The following WWOX variants were observed in gnomAD, a reference collection of about 807,000 sequenced individuals.
The protein encoded by WWOX is WW domain-containing oxidoreductase.
In WWOX, 69 loss-of-function variants were observed where a neutral mutation model predicts 46.2. That is an observed-to-expected ratio of 1.49 (90% CI 1.23 to 1.82). The LOEUF (loss-of-function observed/expected upper bound fraction) is 1.82. Among genes scored for constraint, WWOX ranks in the 40% most tolerant of loss-of-function variants. The pLI, the probability that WWOX is intolerant of heterozygous loss-of-function variation, is 0.00. For missense variants in WWOX, 919 were observed against 542.6 expected (o/e 1.69, Z -6.89); for synonymous variants, 359 against 202.6 (o/e 1.77, Z -6.56).
rs12828 is a variant in WWOX, at chr16:79,212,426, G to A, written c.*630G>A. On this transcript the variant is annotated 3_prime_UTR_variant, in exon 9 of 9. Transcript: ENST00000566780. ...TCATAGACTCCTTTGCTAATGCTAT[G>A]CAAAAAATTCTTTAGAGATTATAAC... The A allele has an allele frequency of 0.52, 165,280 of 314,970 alleles. 46,273 individuals are homozygous for A. The highest frequency in any genetic ancestry group is 0.61 in the Non-Finnish European group (104,231 of 170,716). The allele number at this position is 314,970 out of a possible 1,614,324, so 19.5% of individuals were successfully genotyped here.
intron 8 of WWOX, among the ~76,000 whole-genome samples, chr16:78,447,794 CTAT>C (rs1330826799): frequency 6.6e-6 from 1 of 152,166 alleles, no homozygotes; most frequent in African/African-American, 2.4e-5. Flanking sequence ...GCAGAAGAAA[CTAT>C]TATTATTATT....
At position 79,121,948 on chromosome 16, in the gene WWOX, A is replaced by T. The variant is rs149680883; in HGVS notation, c.1057-89660A>T. 3.3e-3 allele frequency among the ~76,000 whole-genome samples: 506 copies of T among 152,068 alleles called. 2 individuals are homozygous for T. Among genetic ancestry groups the T allele is most frequent in the Non-Finnish European group, 5.6e-3 (382 of 67,976 alleles). ...CCCAGTAACCCTAAGATTGAACAAAACCCTACTTACGTGCTACGGATTTAA... is the reference window on the plus strand; with the variant it reads ...CCCAGTAACCCTAAGATTGAACAAATCCCTACTTACGTGCTACGGATTTAA... On this transcript the variant is annotated intron_variant, in intron 8 of 8. Coordinates refer to ENST00000566780, the MANE Select transcript of WWOX (RefSeq NM_016373.4).
chr16:78,501,193 C>CTCTTTTTTTTTTTT (rs1567609023), intron 8 of WWOX, among the ~76,000 whole-genome samples: 82 of 90,904 alleles, frequency 9.0e-4, no homozygotes, highest in Admixed American at 1.5e-3. Flanking sequence ...CTTTCTTTCT[C>CTCTTTTTTTTTTTT]TTTTTTTTTT....
At chr16:78,924,554 A>G (rs2045455031) in intron 8 of WWOX, among the ~76,000 whole-genome samples, 1 of 152,150 alleles carries the variant, frequency 6.6e-6, no homozygotes, top group Non-Finnish European at 1.5e-5. Context: ...TATCTGTAAA[A>G]TCCTTCCACT....
chr16:78,249,682 G>A (rs1037516280), intron 5 of WWOX, among the ~76,000 whole-genome samples: 1 of 152,164 alleles, frequency 6.6e-6, no homozygotes, highest in Non-Finnish European at 1.5e-5. Context: ...TATAAACTTA[G>A]GTGGACCAAA....
At chr16:78,818,054 T>A (rs2051388263) in intron 8 of WWOX, among the ~76,000 whole-genome samples, 1 of 152,102 alleles carries the variant, frequency 6.6e-6, no homozygotes, top group African/African-American at 2.4e-5. Flanking sequence ...CAGTCAACCT[T>A]ATGAAGCTAA....
intron 8 of WWOX, among the ~76,000 whole-genome samples, chr16:78,531,605 G>A (rs2043623358): frequency 6.6e-6 from 1 of 152,180 alleles, no homozygotes; most frequent in Non-Finnish European, 1.5e-5. Flanking sequence ...CACTTTGGGA[G>A]TCTGAGGCAG....
At chr16:78,415,494 C>G (rs1381741613) in intron 6 of WWOX, among the ~76,000 whole-genome samples, 1 of 152,140 alleles carries the variant, frequency 6.6e-6, no homozygotes, top group African/African-American at 2.4e-5. Flanking sequence ...CAGTAGGTCT[C>G]AATCTTATTT....
chr16:78,311,564 G>C (rs185667103), intron 5 of WWOX, among the ~76,000 whole-genome samples: 451 of 152,308 alleles, frequency 3.0e-3, no homozygotes, highest in African/African-American at 0.01. Flanking sequence ...GTAACAGTGA[G>C]CAAGCAATGT....
intron 8 of WWOX, among the ~76,000 whole-genome samples, chr16:79,189,286 C>G (rs545182085): frequency 3.3e-5 from 5 of 151,852 alleles, no homozygotes; most frequent in African/African-American, 1.2e-4. Flanking sequence ...GAGACAGGAT[C>G]TCACTTTGTC....
At chr16:78,427,998 G>A (rs2083127148) in intron 7 of WWOX, among the ~76,000 whole-genome samples, 1 of 151,500 alleles carries the variant, frequency 6.6e-6, no homozygotes, top group Admixed American at 6.6e-5. Flanking sequence ...AACTTGGGAG[G>A]TGGAGATTGC....
chr16:78,788,810 G>C lies in WWOX; in HGVS notation c.1056+356058G>C, dbSNP rs139447416. On this transcript the variant is annotated intron_variant, in intron 8 of 8. Coordinates refer to ENST00000566780, the MANE Select transcript of WWOX (RefSeq NM_016373.4). ...TCTGACTTGCTATTGGTGTCTGGGG[G>C]TATGGGGGGCAGTCTTGGGGACTGA... Among the ~76,000 whole-genome samples the C allele has an allele frequency of 4.6e-4, 70 of 152,278 alleles. 1 individual carries two copies. The East Asian group carries it at 0.013, about 29-fold the overall frequency.
At chr16:79,080,213 C>G (rs1405505022) in intron 8 of WWOX, among the ~76,000 whole-genome samples, 4 of 152,164 alleles carry the variant, frequency 2.6e-5, no homozygotes, top group East Asian at 1.9e-4. Flanking sequence ...GTGACACAGC[C>G]AAGCCTTGGG....
chr16:78,796,458 A>C (rs1265443236), intron 8 of WWOX, among the ~76,000 whole-genome samples: 3 of 152,250 alleles, frequency 2.0e-5, no homozygotes, highest in Admixed American at 6.5e-5. Context: ...ACATGATCAC[A>C]ACCAACTGCA....
intron 5 of WWOX, among the ~76,000 whole-genome samples, chr16:78,269,983 A>G (rs1471218638): frequency 1.3e-5 from 2 of 149,202 alleles, no homozygotes; most frequent in Non-Finnish European, 3.0e-5. Flanking sequence ...CACATTTACA[A>G]ATTGGTTTCT....
chr16:78,361,277 C>G (rs573076227), intron 5 of WWOX, among the ~76,000 whole-genome samples: 1 of 152,140 alleles, frequency 6.6e-6, no homozygotes, highest in Non-Finnish European at 1.5e-5. Context: ...AGTATATTAT[C>G]TCAGGTAGAA....
At chr16:78,911,326 C>G (rs759144250) in intron 8 of WWOX, among the ~76,000 whole-genome samples, 1 of 152,074 alleles carries the variant, frequency 6.6e-6, no homozygotes, top group Non-Finnish European at 1.5e-5. Flanking sequence ...TTGACCTTTA[C>G]CATAAATCAC....
At chr16:78,999,750 T>C (rs1049965245) in intron 8 of WWOX, among the ~76,000 whole-genome samples, 3 of 152,168 alleles carry the variant, frequency 2.0e-5, no homozygotes, top group Non-Finnish European at 4.4e-5. Context: ...GAAAATTGCC[T>C]GTTAGGTGCC....
intron 5 of WWOX, among the ~76,000 whole-genome samples, chr16:78,302,153 G>C (rs999752402): frequency 1.3e-5 from 2 of 151,922 alleles, no homozygotes; most frequent in African/African-American, 4.8e-5. Context: ...TAGAGAAGGG[G>C]TATCGCCATG....
Sources: gnomAD v4.1 joint callset for allele counts (sites outside exome capture counted in the v4.1 genomes callset) on GRCh38, gnomAD v4.1.1 for gene constraint, MANE v1.5 for transcripts, NCBI Gene and HGNC (gene_info 2026-07-23, HGNC 2026-07-21) for gene names.